Variants in RANBP2 observed in about 807,000 individuals in gnomAD.
RANBP2 encodes the protein E3 SUMO-protein ligase RanBP2.
Under a neutral mutation model 303.6 loss-of-function variants are expected in RANBP2, and 57 were observed. That is an observed-to-expected ratio of 0.19 (90% CI 0.15 to 0.23). The LOEUF (loss-of-function observed/expected upper bound fraction) is 0.23. Ranked by LOEUF, RANBP2 falls within the 10% of genes least tolerant of loss-of-function variation. The pLI is 1.00. For missense variants in RANBP2, 3,138 were observed against 3,780.8 expected, an observed-to-expected ratio of 0.83 and a Z score of 4.46; for synonymous variants, 1,167 against 1,301.5, an observed-to-expected ratio of 0.90 and a Z score of 2.23.
chr2:109,207,563 A>T, the RANBP2 span, among the ~76,000 whole-genome samples: 1 of 152,298 alleles, frequency 6.6e-6, no homozygotes, highest in African/African-American at 2.4e-5. Flanking sequence ...ACAAAATGTT[A>T]TTTGTGTGCT....
chr2:109,097,398 A>G, the RANBP2 span, among the ~76,000 whole-genome samples: 1 of 152,148 alleles, frequency 6.6e-6, no homozygotes, highest in African/African-American at 2.4e-5. Context: ...TAGCTTGAGT[A>G]ATAATAAAAC....
the RANBP2 span, among the ~76,000 whole-genome samples, chr2:109,079,782 G>A: frequency 6.6e-6 from 1 of 152,228 alleles, no homozygotes; most frequent in Non-Finnish European, 1.5e-5. Flanking sequence ...CTGGGAAGGG[G>A]ATTCCTGATG....
At chr2:108,876,255 C>G in the RANBP2 span, 6 of 1,570,598 alleles carry the variant, frequency 3.8e-6, no homozygotes, top group Non-Finnish European at 5.2e-6. Flanking sequence ...AGCCCTTAGA[C>G]TGGCTAATTT....
rs1677038390 is a variant in RANBP2 at position 108,765,249 on chromosome 2, T to A, written c.4710T>A (p.Asp1570Glu). Reference protein sequence around the residue: ...ATRCVACQNPDKPSPSTSVPA... With the variant: ...ATRCVACQNPEKPSPSTSVPA... ...GATGTGTTGCTTGTCAGAATCCGGA[T>A]AAACCAAGTCCATCTACTTCTGTTC... Residue 1570 changes from aspartate (D) to glutamate (E), a missense_variant, in exon 20 of 29, where the codon GAT (aspartate) becomes GAA (glutamate). Coordinates refer to ENST00000283195, the MANE Select transcript of RANBP2 (RefSeq NM_006267.5). The A allele has an allele frequency of 6.2e-7, 1 of 1,613,920 alleles. No individual in the cohort carries two copies. The highest frequency in any genetic ancestry group is 8.5e-7 in the Non-Finnish European group (1 of 1,180,004).
In RANBP2 at chr2:108,773,024, T is replaced by C; in HGVS notation, c.8270T>C (p.Leu2757Pro). The C allele has an allele frequency of 6.2e-7, 1 of 1,612,640 alleles. No homozygotes were observed. Among genetic ancestry groups the C allele is most frequent in the Non-Finnish European group, 8.5e-7 (1 of 1,179,082 alleles). ...AATGGGGAGGACTTTCAATCAGAGC[T>C]TCAAAAAGTTCAGGAAGCTCAAGTA... ...NGNGEDFQSE[L>P]QKVQEAQKSQ... Residue 2757 changes from leucine (L) to proline (P), a missense_variant, in exon 23 of 29, where the codon CTT becomes CCT. This residue lies in a region of RANBP2 where 497 missense variants were observed against 465.8 expected (regional missense o/e 1.07). Coordinates refer to ENST00000283195, the MANE Select transcript of RANBP2 (RefSeq NM_006267.5).
chr2:109,661,517 A>G, the RANBP2 span, among the ~76,000 whole-genome samples: 1 of 152,138 alleles, frequency 6.6e-6, no homozygotes, highest in East Asian at 1.9e-4. Flanking sequence ...AAGTGCTGGG[A>G]TTATAGGCAT....
chr2:109,129,933 C>T, the RANBP2 span: 1,079 of 1,481,054 alleles, frequency 7.3e-4, 4 homozygotes, highest in African/African-American at 0.014. Flanking sequence ...GCACCAGCCC[C>T]GGCGGCAGCC....
the RANBP2 span, chr2:109,618,755 G>T: frequency 6.0e-6 from 1 of 167,006 alleles, no homozygotes; most frequent in East Asian, 1.9e-4. Flanking sequence ...ACCCAAGTAT[G>T]TCCATGTGTT....
chr2:109,330,968 G>A, the RANBP2 span, among the ~76,000 whole-genome samples: 11 of 152,188 alleles, frequency 7.2e-5, no homozygotes, highest in Non-Finnish European at 1.5e-4. Flanking sequence ...TTGAATAAAG[G>A]TTGTGCCATG....
the RANBP2 span, among the ~76,000 whole-genome samples, chr2:109,202,099 G>T: frequency 6.6e-6 from 1 of 152,222 alleles, no homozygotes; most frequent in Non-Finnish European, 1.5e-5. Context: ...TCCCCTCGAG[G>T]CGATCTCGGC....
At chr2:109,704,085 G>A in the RANBP2 span, among the ~76,000 whole-genome samples, 2 of 152,108 alleles carry the variant, frequency 1.3e-5, no homozygotes, top group East Asian at 3.9e-4. Flanking sequence ...ATTGGCCCTG[G>A]GGTTGAAACT....
At chr2:108,932,528 C>CAAAAAAAAAAAAAAAAAAAAAAAAAA in the RANBP2 span, among the ~76,000 whole-genome samples, 1 of 39,124 alleles carries the variant, frequency 2.6e-5, no homozygotes, top group African/African-American at 1.0e-4. Flanking sequence ...GACTCTGTCT[C>CAAAAAAAAAAAAAAAAAAAAAAAAAA]AAAAAAAAAA....
At chr2:109,613,025 G>C in the RANBP2 span, 1 of 521,554 alleles carries the variant, frequency 1.9e-6, no homozygotes, top group African/African-American at 2.0e-5. Flanking sequence ...AACCACCAAT[G>C]TTTACTATCA....
At chr2:109,073,664 G>T in the RANBP2 span, among the ~76,000 whole-genome samples, 25 of 149,328 alleles carry the variant, frequency 1.7e-4, 1 homozygote, top group Non-Finnish European at 3.3e-4. Flanking sequence ...GCGAGACTCT[G>T]TCTCAAAAGA....
At chr2:108,950,470 C>T in the RANBP2 span, among the ~76,000 whole-genome samples, 9 of 152,096 alleles carry the variant, frequency 5.9e-5, no homozygotes, top group East Asian at 1.5e-3. Context: ...TTATAAGGGC[C>T]GATGGTGTTT....
chr2:109,421,965 A>G, the RANBP2 span, among the ~76,000 whole-genome samples: 1 of 152,214 alleles, frequency 6.6e-6, no homozygotes, highest in Admixed American at 6.5e-5. Flanking sequence ...TTATCCCCAG[A>G]GAGGAAAAGA....
chr2:109,055,552 C>CT, the RANBP2 span, among the ~76,000 whole-genome samples: 2 of 151,230 alleles, frequency 1.3e-5, no homozygotes, highest in African/African-American at 4.9e-5. Flanking sequence ...CTTTTCTTTT[C>CT]TTTTTTGTAT....
At chr2:109,356,947 G>A in the RANBP2 span, among the ~76,000 whole-genome samples, 21 of 152,252 alleles carry the variant, frequency 1.4e-4, no homozygotes, top group Non-Finnish European at 2.9e-4. Context: ...GGACTGTTCC[G>A]TGATGGTCCA....
At chr2:109,397,209 C>T in the RANBP2 span, among the ~76,000 whole-genome samples, 7 of 152,164 alleles carry the variant, frequency 4.6e-5, no homozygotes, top group African/African-American at 1.7e-4. Flanking sequence ...GGAGAAAACT[C>T]AGAGACAGCT....
Sources: gnomAD v4.1 joint callset for allele counts (sites outside exome capture counted in the v4.1 genomes callset) on GRCh38, gnomAD v4.1.1 for gene constraint, gnomAD v4.1.1 regional missense constraint, MANE v1.5 for transcripts, NCBI Gene and HGNC (gene_info 2026-07-23, HGNC 2026-07-21) for gene names.